Variants in CRPPA observed in about 807,000 individuals in gnomAD.
CRPPA encodes the protein D-ribitol-5-phosphate cytidylyltransferase.
Under a neutral mutation model 52.0 loss-of-function variants are expected in CRPPA, and 43 were observed. That is an observed-to-expected ratio of 0.83 (90% CI 0.65 to 1.07). The LOEUF (loss-of-function observed/expected upper bound fraction) is 1.07. Among genes scored for constraint, CRPPA ranks in the 50% least tolerant of loss-of-function variants. The pLI, the probability that CRPPA is intolerant of heterozygous loss-of-function variation, is 0.00. For synonymous variants in CRPPA, 250 were observed against 203.5 expected, an observed-to-expected ratio of 1.23 and a Z score of -1.94; for missense variants, 629 against 551.7, an observed-to-expected ratio of 1.14 and a Z score of -1.40.
intron 9 of CRPPA, among the ~76,000 whole-genome samples, chr7:16,131,989 A>C (rs1282205959): frequency 6.6e-6 from 1 of 152,162 alleles, no homozygotes; most frequent in Non-Finnish European, 1.5e-5. Flanking sequence ...GTGAACCACT[A>C]TAGGGGAAGA....
chr7:16,239,660 G>C (rs184870418), intron 8 of CRPPA, among the ~76,000 whole-genome samples: 5 of 150,908 alleles, frequency 3.3e-5, no homozygotes, highest in African/African-American at 1.2e-4. Context: ...CTTACCTAGG[G>C]CTACGATCAA....
At chr7:16,397,347 G>GT (rs1358538796) in intron 2 of CRPPA, among the ~76,000 whole-genome samples, 1 of 152,240 alleles carries the variant, frequency 6.6e-6, no homozygotes, top group Non-Finnish European at 1.5e-5. Flanking sequence ...ACCAACATGT[G>GT]TTACAGGTGA....
chr7:16,246,356 C>T (rs564343373), intron 8 of CRPPA, among the ~76,000 whole-genome samples: 1 of 152,146 alleles, frequency 6.6e-6, no homozygotes, highest in Admixed American at 6.5e-5. Flanking sequence ...CTTGCTATTG[C>T]CACCACATCA....
At chr7:16,167,822 T>C (rs953439570) in intron 9 of CRPPA, among the ~76,000 whole-genome samples, 1 of 152,246 alleles carries the variant, frequency 6.6e-6, no homozygotes, top group Non-Finnish European at 1.5e-5. Context: ...CAATCTATTC[T>C]TAACGAAGTT....
intron 9 of CRPPA, among the ~76,000 whole-genome samples, chr7:16,186,483 A>T (rs746769980): frequency 1.3e-5 from 2 of 152,216 alleles, no homozygotes; most frequent in African/African-American, 2.4e-5. Context: ...CAACTGTGAA[A>T]GATAATTTTC....
chr7:16,231,029 T>A, intron 8 of CRPPA, among the ~76,000 whole-genome samples: 1 of 152,158 alleles, frequency 6.6e-6, no homozygotes, highest in Non-Finnish European at 1.5e-5. Flanking sequence ...CAGTCTGCAG[T>A]TACTGGCTTG....
At chr7:16,196,290 A>G (rs1237693354) in intron 9 of CRPPA, among the ~76,000 whole-genome samples, 1 of 152,158 alleles carries the variant, frequency 6.6e-6, no homozygotes, top group Non-Finnish European at 1.5e-5. Flanking sequence ...CTAGCATATG[A>G]CAGAGCTAGC....
At chr7:16,349,686 A>C (rs1240662148) in intron 3 of CRPPA, among the ~76,000 whole-genome samples, 5 of 152,126 alleles carry the variant, frequency 3.3e-5, no homozygotes, top group African/African-American at 1.2e-4. Flanking sequence ...GTGAACTCAA[A>C]GATCACCAGA....
chr7:16,221,360 A>G lies in CRPPA; in HGVS notation c.1120-5163T>C, dbSNP rs926739421. Reference sequence around the variant, plus strand: ...AAAAACCCTAGAAGAAAACCTAGGCATCACCATTCAGGACATAGGCATGGG... The same window carrying G: ...AAAAACCCTAGAAGAAAACCTAGGCGTCACCATTCAGGACATAGGCATGGG... On this transcript the variant is annotated intron_variant, in intron 8 of 9. Coordinates refer to ENST00000407010, the MANE Select transcript of CRPPA (RefSeq NM_001101426.4). Among the ~76,000 whole-genome samples, 5 of 152,330 alleles carry G rather than the reference A, an allele frequency of 3.3e-5. No homozygotes were observed. In the East Asian group the frequency reaches 7.7e-4, roughly 23 times the overall value.
At chr7:16,399,010 C>G (rs1044518844) in intron 2 of CRPPA, among the ~76,000 whole-genome samples, 3 of 152,186 alleles carry the variant, frequency 2.0e-5, no homozygotes, top group South Asian at 2.1e-4. Flanking sequence ...TTGACTGACA[C>G]AATTGACATG....
At chr7:16,100,635 T>A (rs1562503251) in intron 9 of CRPPA, among the ~76,000 whole-genome samples, 1 of 152,138 alleles carries the variant, frequency 6.6e-6, no homozygotes, top group Non-Finnish European at 1.5e-5. Flanking sequence ...TATTTGAATA[T>A]CCTTTATTTC....
At chr7:16,098,329 A>T (rs192075641) in intron 9 of CRPPA, among the ~76,000 whole-genome samples, 1 of 152,324 alleles carries the variant, frequency 6.6e-6, no homozygotes, top group East Asian at 1.9e-4. Context: ...ATGCATATGT[A>T]TTTAGGCTTT....
chr7:16,261,953 G>C (rs990132094), intron 6 of CRPPA: 3 of 152,026 alleles, frequency 2.0e-5, no homozygotes, highest in Non-Finnish European at 4.4e-5. Flanking sequence ...CCCCTCGGAT[G>C]TTTGTAGATA....
At chr7:16,268,563 T>C (rs1348400509) in intron 6 of CRPPA, among the ~76,000 whole-genome samples, 2 of 152,196 alleles carry the variant, frequency 1.3e-5, no homozygotes, top group African/African-American at 4.8e-5. Context: ...TGAATATACA[T>C]TGTTTAGCTT....
chr7:16,219,468 C>T (rs1211219900), intron 8 of CRPPA, among the ~76,000 whole-genome samples: 1 of 101,702 alleles, frequency 9.8e-6, no homozygotes, highest in Non-Finnish European at 2.1e-5. Flanking sequence ...GAAATAGAGA[C>T]ACAAAAAACC....
chr7:16,138,006 T>G (rs1437645555), intron 9 of CRPPA, among the ~76,000 whole-genome samples: 1 of 152,172 alleles, frequency 6.6e-6, no homozygotes, highest in Non-Finnish European at 1.5e-5. Flanking sequence ...AGCATAAGCT[T>G]TATTCTTTTT....
intron 9 of CRPPA, among the ~76,000 whole-genome samples, chr7:16,095,806 G>A (rs535734430): frequency 1.3e-5 from 2 of 152,312 alleles, no homozygotes; most frequent in South Asian, 4.1e-4. Flanking sequence ...CTGACAGGAA[G>A]GAATTGCTGA....
chr7:16,136,569 C>T (rs1470884605), intron 9 of CRPPA, among the ~76,000 whole-genome samples: 1 of 152,178 alleles, frequency 6.6e-6, no homozygotes, highest in Non-Finnish European at 1.5e-5. Context: ...GATCCTGAAA[C>T]AGAGTTACAA....
At chr7:16,324,985 C>G (rs1386655326) in intron 3 of CRPPA, among the ~76,000 whole-genome samples, 1 of 152,116 alleles carries the variant, frequency 6.6e-6, no homozygotes, top group East Asian at 1.9e-4. Flanking sequence ...CTTGTCATTC[C>G]CTGCCTGCCA....
Sources: allele counts gnomAD v4.1 joint callset (sites outside exome capture counted in the v4.1 genomes callset), GRCh38; gene constraint gnomAD v4.1.1; transcripts MANE v1.5; gene names NCBI Gene and HGNC (gene_info 2026-07-23, HGNC 2026-07-21).